VPS37A: variants seen among roughly 807,000 people sequenced by gnomAD.
VPS37A encodes the protein VPS37A subunit of ESCRT-I, also known as vacuolar protein sorting-associated protein 37A.
Under a neutral mutation model 49.8 loss-of-function variants are expected in VPS37A, and 30 were observed. The ratio of observed to expected loss-of-function variants is 0.60; its 90% CI spans 0.45 to 0.82. The LOEUF is 0.82. Ranked by LOEUF, VPS37A falls within the 40% of genes least tolerant of loss-of-function variation. The pLI is 0.00. For missense variants in VPS37A, 593 were observed against 464.4 expected (o/e 1.28, Z -2.55); for synonymous variants, 195 against 160.6 (o/e 1.21, Z -1.62).
intron 6 of VPS37A, among the ~76,000 whole-genome samples, chr8:17,277,379 T>A (rs1450339763): frequency 2.6e-5 from 4 of 152,124 alleles, no homozygotes; most frequent in South Asian, 2.1e-4. Flanking sequence ...TTGCTTTAAA[T>A]TTTTTTTAAA....
chr8:17,290,582 G>C, intron 11 of VPS37A, among the ~76,000 whole-genome samples: 1 of 152,194 alleles, frequency 6.6e-6, no homozygotes, highest in Non-Finnish European at 1.5e-5. Context: ...CAGTTTGCCA[G>C]TACATTAATG....
chr8:17,247,227 C>T lies in VPS37A; in HGVS notation c.-18C>T. On this transcript the variant is annotated 5_prime_UTR_variant, in exon 1 of 12. Transcript: ENST00000324849. ...GGCCAGAGCCTTCCAGGGCCTCCGG[C>T]CCGTGGACCCGAGGAGGATGAGCTG... The T allele has an allele frequency of 6.4e-7, 1 of 1,564,532 alleles. No homozygotes were observed. Among genetic ancestry groups the T allele is most frequent in the Non-Finnish European group, 8.7e-7 (1 of 1,154,500 alleles).
At chr8:17,255,526 G>GTA (rs1377802166) in intron 1 of VPS37A, among the ~76,000 whole-genome samples, 6 of 151,960 alleles carry the variant, frequency 3.9e-5, no homozygotes, top group African/African-American at 1.2e-4. Flanking sequence ...ATATATGTGT[G>GTA]TATATATATA....
chr8:17,250,132 T>C (rs1283913149), intron 1 of VPS37A, among the ~76,000 whole-genome samples: 10 of 152,154 alleles, frequency 6.6e-5, no homozygotes, highest in African/African-American at 1.9e-4. Flanking sequence ...GTTTGTAATA[T>C]ACCGCCCAGG....
chr8:17,267,135 A>C (rs189346239), intron 2 of VPS37A, among the ~76,000 whole-genome samples: 25 of 152,266 alleles, frequency 1.6e-4, no homozygotes, highest in African/African-American at 5.8e-4. Context: ...CATAGTCAAG[A>C]TACAAACTGG....
rs889516252 is a variant in VPS37A at position 17,295,846 on chromosome 8, A to C, written c.*860A>C. On this transcript the variant is annotated 3_prime_UTR_variant, in exon 12 of 12. Coordinates refer to ENST00000324849, the MANE Select transcript of VPS37A (RefSeq NM_152415.3). ...CCTTTACTGTGAGTTACCTTTTCCT[A>C]AGAGGAAAGCTATAGTAATAAGTAA... The C allele has an allele frequency of 2.6e-5, 4 of 152,198 alleles. No individual in the cohort carries two copies. Among genetic ancestry groups the C allele is most frequent in the African/African-American group, 9.6e-5 (4 of 41,458 alleles). 9.4% of individuals were successfully genotyped at this position (152,198 alleles called of 1,614,324 possible). A position where few individuals can be genotyped will look rare whatever the true frequency, so the allele number is the denominator to read the frequency against.
the VPS37A span, among the ~76,000 whole-genome samples, chr8:17,322,600 G>A: frequency 6.6e-6 from 1 of 152,114 alleles, no homozygotes; most frequent in South Asian, 2.1e-4. Context: ...CAGTAGGATT[G>A]CTTGAGCCCA....
chr8:17,248,017 T>C, intron 1 of VPS37A: 2 of 510,656 alleles, frequency 3.9e-6, no homozygotes, highest in Non-Finnish European at 7.0e-6. Flanking sequence ...ATTGTTCTGT[T>C]GTCTTCCTGT....
chr8:17,268,999 A>G (rs1232316033), intron 4 of VPS37A, 43 bp downstream of exon 4: 1 of 1,332,348 alleles, frequency 7.5e-7, no homozygotes, highest in Middle Eastern at 1.8e-4. Flanking sequence ...CCTGTATTTT[A>G]ATGTATTAAT....
At chr8:17,287,350 G>C (rs541600418) in intron 11 of VPS37A, among the ~76,000 whole-genome samples, 1 of 152,088 alleles carries the variant, frequency 6.6e-6, no homozygotes, top group South Asian at 2.1e-4. Context: ...TTGTTTGGTT[G>C]TTTCTTATTT....
chr8:17,247,388 TC>T lies in VPS37A; in HGVS notation c.125+21del, dbSNP rs1434261228. 1 of 291,920 alleles carries T rather than the reference TC, an allele frequency of 3.4e-6. No individual in the cohort carries two copies. Among genetic ancestry groups the T allele is most frequent in the Non-Finnish European group, 6.4e-6 (1 of 156,094 alleles). The allele number at this position is 291,920 out of a possible 1,614,324, so 18.1% of individuals were successfully genotyped here. On this transcript the variant is annotated intron_variant, in intron 1 of 11. Coordinates refer to ENST00000324849, the MANE Select transcript of VPS37A (RefSeq NM_152415.3). ...ACTCCAGGTGACTGGTCGCTGCCTC[TC>T]CACCGGAGGAAAAAGTAGGGTGGGA...
Position 17,263,833 on chromosome 8 carries a change from C to G in VPS37A, c.126-2074C>G, listed in dbSNP as rs1335390134. Among the ~76,000 whole-genome samples the G allele has an allele frequency of 2.0e-5, 3 of 152,006 alleles. No homozygotes were observed. The East Asian group carries it at 5.8e-4, about 29-fold the overall frequency. Reference sequence around the variant, plus strand: ...GCACACACCTGTAGTCCCAGCTACTCATGAGGCTGAGGCAAGAGAATTGCT... The same window carrying G: ...GCACACACCTGTAGTCCCAGCTACTGATGAGGCTGAGGCAAGAGAATTGCT... On this transcript the variant is annotated intron_variant, in intron 1 of 11. Transcript: ENST00000324849.
At chr8:17,313,363 A>C in the VPS37A span, 1 of 1,612,970 alleles carries the variant, frequency 6.2e-7, no homozygotes. Context: ...TCCAGACCCC[A>C]CAGGAAATCA....
intron 4 of VPS37A, among the ~76,000 whole-genome samples, chr8:17,270,682 A>T (rs954874302): frequency 2.0e-5 from 3 of 152,144 alleles, no homozygotes; most frequent in African/African-American, 4.8e-5. Flanking sequence ...AGAAGTTCAT[A>T]TGGGACTGGA....
At chr8:17,254,479 T>C (rs1812253814) in intron 1 of VPS37A, among the ~76,000 whole-genome samples, 2 of 152,238 alleles carry the variant, frequency 1.3e-5, no homozygotes, top group African/African-American at 4.8e-5. Context: ...TTAATTACTC[T>C]GAGAAATGCT....
chr8:17,250,354 A>C (rs547719547), intron 1 of VPS37A, among the ~76,000 whole-genome samples: 3 of 152,334 alleles, frequency 2.0e-5, no homozygotes, highest in African/African-American at 7.2e-5. Flanking sequence ...CTTACACTTA[A>C]AAGATTTTTG....
chr8:17,326,346 T>C, the VPS37A span: 3 of 152,178 alleles, frequency 2.0e-5, no homozygotes, highest in Non-Finnish European at 4.4e-5. Flanking sequence ...CTTGAGTAAA[T>C]ACAGCTTAAA....
At chr8:17,279,761 T>G in intron 6 of VPS37A, 1 of 507,308 alleles carries the variant, frequency 2.0e-6, no homozygotes, top group Admixed American at 2.3e-5. Context: ...CGGTTGTGAT[T>G]TTTAAAGAAA....
chr8:17,294,193 T>G (rs1480584689), intron 11 of VPS37A, among the ~76,000 whole-genome samples: 3 of 152,180 alleles, frequency 2.0e-5, no homozygotes, highest in Non-Finnish European at 4.4e-5. Context: ...TACAGTGGCT[T>G]TGTGGAGCTG....
Sources: gnomAD v4.1 joint callset for allele counts (sites outside exome capture counted in the v4.1 genomes callset) on GRCh38, gnomAD v4.1.1 for gene constraint, MANE v1.5 for transcripts, NCBI Gene and HGNC (gene_info 2026-07-23, HGNC 2026-07-21) for gene names.